LAMB1: variants seen among roughly 807,000 people sequenced by gnomAD.
LAMB1 encodes laminin subunit beta-1.
In LAMB1, 121 loss-of-function variants were observed where a neutral mutation model predicts 222.3. The ratio of observed to expected loss-of-function variants is 0.54; its 90% confidence interval spans 0.47 to 0.63. The LOEUF (loss-of-function observed/expected upper bound fraction) is 0.63. LAMB1 is among the 30% of genes least tolerant of loss of function. The pLI is 0.00. For missense variants in LAMB1, 2,172 were observed against 2,240.8 expected (o/e 0.97, Z 0.62); for synonymous variants, 794 against 807.2 (o/e 0.98, Z 0.28).
At chr7:108,001,419 A>C in intron 3 of LAMB1, 139 bp downstream of exon 3, 1 of 926,104 alleles carries the variant, frequency 1.1e-6, no homozygotes, top group Non-Finnish European at 1.6e-6. Context: ...TTGAGCTACA[A>C]GCCTAATCCC....
At chr7:107,986,889 C>T (rs1320141970) in intron 5 of LAMB1, among the ~76,000 whole-genome samples, 1 of 152,124 alleles carries the variant, frequency 6.6e-6, no homozygotes, top group Non-Finnish European at 1.5e-5. Context: ...TTTGGAAAAG[C>T]AAGAGGAAGA....
chr7:107,924,115 C>G (rs771079012), intron 33 of LAMB1, 28 bp from the exon 34 acceptor site: 1 of 1,520,898 alleles, frequency 6.6e-7, no homozygotes, highest in Non-Finnish European at 8.8e-7. Flanking sequence ...TATATAAAGT[C>G]TGAGCAATTT....
At chr7:107,989,295 C>T (rs1398183171) in intron 5 of LAMB1, among the ~76,000 whole-genome samples, 2 of 152,082 alleles carry the variant, frequency 1.3e-5, no homozygotes, top group African/African-American at 2.4e-5. Flanking sequence ...AGTCAGATTA[C>T]AAGGGAAAAA....
At chr7:107,977,340 G>A (rs1244559468) in intron 9 of LAMB1, among the ~76,000 whole-genome samples, 1 of 152,108 alleles carries the variant, frequency 6.6e-6, no homozygotes, top group Non-Finnish European at 1.5e-5. Context: ...TCTCCACCCG[G>A]AGAAAACCCC....
rs146429565 is a variant in LAMB1 at position 107,961,107 on chromosome 7, G to A, written c.2109+99C>T. On this transcript the variant is annotated intron_variant, in intron 17 of 33. Coordinates refer to ENST00000222399, the MANE Select transcript of LAMB1 (RefSeq NM_002291.3). ...GGCAAGAAAGAATGATTCTGCTTAC[G>A]CTGGCCTCAGCATTACCCCTCAACA... 19 of 1,352,488 alleles carry A rather than the reference G, an allele frequency of 1.4e-5. No individual in the cohort carries two copies. In the Middle Eastern group the frequency reaches 1.2e-3, roughly 84 times the overall value. The allele number at this position is 1,352,488 out of a possible 1,614,324, so 83.8% of individuals were successfully genotyped here.
chr7:107,943,150 G>A (rs1232095508), intron 24 of LAMB1, among the ~76,000 whole-genome samples: 2 of 152,152 alleles, frequency 1.3e-5, no homozygotes, highest in East Asian at 1.9e-4. Flanking sequence ...TCTATGATGT[G>A]TTCCTTGAAA....
At chr7:107,956,251 T>G (rs2033373966) in intron 20 of LAMB1, among the ~76,000 whole-genome samples, 1 of 152,238 alleles carries the variant, frequency 6.6e-6, no homozygotes, top group Non-Finnish European at 1.5e-5. Context: ...CAAGCTGGTC[T>G]CAAACTCCTG....
At chr7:107,983,547 C>CTTTTTTT (rs11458116) in intron 7 of LAMB1, among the ~76,000 whole-genome samples, 4 of 111,144 alleles carry the variant, frequency 3.6e-5, no homozygotes, top group Admixed American at 1.1e-4. Flanking sequence ...CTCCAAAGCC[C>CTTTTTTT]TTTTTTTTTT....
At chr7:107,946,635 C>T (rs1411031864) in intron 24 of LAMB1, among the ~76,000 whole-genome samples, 4 of 152,246 alleles carry the variant, frequency 2.6e-5, no homozygotes, top group Admixed American at 2.6e-4. Context: ...TCTGAGAACA[C>T]ATTCTGTAAT....
chr7:107,996,539 AAC>A (rs1563010839), intron 4 of LAMB1, among the ~76,000 whole-genome samples: 1 of 152,228 alleles, frequency 6.6e-6, no homozygotes, highest in Non-Finnish European at 1.5e-5. Flanking sequence ...GTGATCAGAC[AAC>A]AGAGAGATGA....
rs369100051 is a variant in LAMB1 at position 107,960,608 on chromosome 7, G to A, written c.2151C>T (p.Thr717=). 19 of 1,614,228 alleles carry A rather than the reference G, an allele frequency of 1.2e-5. No homozygotes were observed. The African/African-American group carries it at 1.5e-4, about 12-fold the overall frequency. The part of the protein sequence containing the change: ...MPYCKSLDIF[T]VGGSGDGVVT... ...CCACCCCATCTCCTGAACCTCCCAC[G>A]GTGAAGATGTCCAGTGATTTACAGT... is the stretch of plus-strand genomic sequence containing the variant. The change falls in exon 18 of 34, where the codon ACC becomes ACT. Residue 717 remains threonine, a synonymous_variant. Transcript: ENST00000222399.
At chr7:107,988,879 G>A (rs1371186163) in intron 5 of LAMB1, among the ~76,000 whole-genome samples, 1 of 152,308 alleles carries the variant, frequency 6.6e-6, no homozygotes, top group African/African-American at 2.4e-5. Flanking sequence ...CTAGCCTATG[G>A]AACTGTGAGA....
chr7:107,955,124 C>G (rs531018452), intron 21 of LAMB1, among the ~76,000 whole-genome samples: 1 of 152,280 alleles, frequency 6.6e-6, no homozygotes, highest in South Asian at 2.1e-4. Flanking sequence ...GGTAACCTCA[C>G]AGCTTTGAGA....
chr7:107,929,286 C>G, intron 30 of LAMB1, 81 bp from the exon 31 acceptor site: 5 of 1,551,246 alleles, frequency 3.2e-6, no homozygotes, highest in Non-Finnish European at 4.4e-6. Flanking sequence ...TAAAGAATAG[C>G]CTTCCTGAAA....
In LAMB1 at chr7:107,975,789, A is replaced by G; in HGVS notation, c.1089T>C (p.Asp363=). Residue 363 remains aspartate, a synonymous_variant, in exon 10 of 34, where the codon GAT becomes GAC. Coordinates refer to ENST00000222399, the MANE Select transcript of LAMB1 (RefSeq NM_002291.3). ...ATGNVSGGVC[D]DCQHNTMGRN... is the part of the protein sequence containing the mutation. ...GCCCCATGGTGTTGTGCTGACAGTC[A>G]TCACACACGCCTCCGCTGACGTTCC... 1 of 1,614,154 alleles carries G rather than the reference A, an allele frequency of 6.2e-7. No individual in the cohort carries two copies. Among genetic ancestry groups the G allele is most frequent in the African/African-American group, 1.3e-5 (1 of 75,032 alleles).
chr7:107,970,359 G>A (rs976047981), intron 13 of LAMB1, among the ~76,000 whole-genome samples: 1 of 151,882 alleles, frequency 6.6e-6, no homozygotes, highest in African/African-American at 2.4e-5. Flanking sequence ...GTGGTAGCTG[G>A]TGCCTGTAGT....
In LAMB1 at chr7:107,980,473, T is replaced by G. The variant is rs530015699; in HGVS notation, c.879+136A>C. 1.4e-5 allele frequency: 9 copies of G among 655,164 alleles called. No homozygotes were observed. In the African/African-American group the frequency reaches 1.6e-4, roughly 12 times the overall value. The allele number at this position is 655,164 out of a possible 1,614,324, so 40.6% of individuals were successfully genotyped here. ...GAAAATCAACAATCAGCTACCTGTA[T>G]GGTGCAAAGGGCTAAATGTAACTCT... On this transcript the variant is annotated intron_variant, in intron 8 of 33. Coordinates refer to ENST00000222399, the MANE Select transcript of LAMB1 (RefSeq NM_002291.3).
chr7:107,973,289 A>C (rs1223024862), intron 12 of LAMB1, among the ~76,000 whole-genome samples: 1 of 152,242 alleles, frequency 6.6e-6, no homozygotes, highest in Non-Finnish European at 1.5e-5. Flanking sequence ...GGATCGTGCC[A>C]GGTCAAAGAC....
chr7:107,955,366 A>G (rs2033351435), intron 21 of LAMB1, 101 bp downstream of exon 21: 6 of 1,021,422 alleles, frequency 5.9e-6, no homozygotes, highest in Non-Finnish European at 4.1e-6. Context: ...ATAAAAGTAG[A>G]CTTAATTGGT....
Sources: gnomAD v4.1 joint callset for allele counts (sites outside exome capture counted in the v4.1 genomes callset) on GRCh38, gnomAD v4.1.1 for gene constraint, MANE v1.5 for transcripts, NCBI Gene and HGNC (gene_info 2026-07-23, HGNC 2026-07-21) for gene names.